GFOD2: variants seen among roughly 807,000 people sequenced by gnomAD.
The protein encoded by GFOD2 is glucose-fructose oxidoreductase domain-containing protein 2.
GFOD2 carries 9 observed loss-of-function variants against 24.6 expected under a neutral mutation model. The observed-to-expected ratio is 0.37, with a 90% confidence interval of 0.22 to 0.64. GFOD2 has a LOEUF of 0.64. Among genes scored for constraint, GFOD2 ranks in the 30% least tolerant of loss-of-function variants. GFOD2 has a pLI of 0.65. For synonymous variants in GFOD2, 211 were observed against 224.8 expected, an observed-to-expected ratio of 0.94 and a Z score of 0.55; for missense variants, 476 against 532.5, an observed-to-expected ratio of 0.89 and a Z score of 1.04.
chr16:67,687,041 G>T (rs533128178), intron 1 of GFOD2, among the ~76,000 whole-genome samples: 1 of 150,990 alleles, frequency 6.6e-6, no homozygotes. Context: ...TCAGCTACTC[G>T]AGGGGCTGAG....
At chr16:67,679,833 G>A (rs1160278908) in intron 2 of GFOD2, among the ~76,000 whole-genome samples, 1 of 151,964 alleles carries the variant, frequency 6.6e-6, no homozygotes, top group Non-Finnish European at 1.5e-5. Flanking sequence ...GTTGCAGTGA[G>A]CTGAGATAGT....
At chr16:67,690,983 C>T (rs887359081) in intron 1 of GFOD2, among the ~76,000 whole-genome samples, 1 of 152,180 alleles carries the variant, frequency 6.6e-6, no homozygotes, top group African/African-American at 2.4e-5. Context: ...ATGCCTTAGC[C>T]TCCCGAGTAA....
intron 2 of GFOD2, among the ~76,000 whole-genome samples, chr16:67,678,026 G>T (rs1371725728): frequency 6.6e-6 from 1 of 152,258 alleles, no homozygotes; most frequent in Non-Finnish European, 1.5e-5. Flanking sequence ...TTAAGACACA[G>T]ATTATTTCTG....
intron 1 of GFOD2, among the ~76,000 whole-genome samples, chr16:67,688,119 T>A (rs1054430936): frequency 1.3e-5 from 2 of 152,030 alleles, no homozygotes; most frequent in Non-Finnish European, 2.9e-5. Context: ...AACCATGAAG[T>A]AGAAGGCCCT....
intron 1 of GFOD2, among the ~76,000 whole-genome samples, chr16:67,705,548 T>C (rs886569510): frequency 6.6e-6 from 1 of 152,152 alleles, no homozygotes; most frequent in African/African-American, 2.4e-5. Context: ...TGTTCTGGGA[T>C]TGTGTCTCCC....
rs1328206492 is a variant in GFOD2 at position 67,675,542 on chromosome 16, T to C, written c.771A>G (p.Ala257=). 8 of 1,613,236 alleles carry C rather than the reference T, an allele frequency of 5.0e-6. No individual in the cohort carries two copies. Among genetic ancestry groups the C allele is most frequent in the Non-Finnish European group, 6.8e-6 (8 of 1,180,046 alleles). ...CGGCTCCCCGGGCGACGAGGCGTCC[T>C]GCAGAGCCTACCACCATGACTTCAT... is the stretch of plus-strand genomic sequence containing the variant. ...FVHEVMVVGS[A]GRLVARGADL... The change falls in exon 3 of 3, where the codon GCA becomes GCG. Residue 257 remains alanine, a synonymous_variant. Coordinates refer to ENST00000268797, the MANE Select transcript of GFOD2 (RefSeq NM_030819.4).
rs189492813 is a variant in GFOD2 at position 67,710,392 on chromosome 16, T to C, written c.-88+8771A>G. On this transcript the variant is annotated intron_variant, in intron 1 of 2. Transcript: ENST00000268797. ...GCCTTGGCCTCCCAAAGTTAGCCTTTGTTTTTTGAGACGAAGTGGAGAAGT... is the reference window on the plus strand; with the variant it reads ...GCCTTGGCCTCCCAAAGTTAGCCTTCGTTTTTTGAGACGAAGTGGAGAAGT... Among the ~76,000 whole-genome samples the C allele has an allele frequency of 1.6e-4, 24 of 152,040 alleles. No homozygotes were observed. In the East Asian group the frequency reaches 4.5e-3, roughly 28 times the overall value.
chr16:67,705,976 G>A (rs1352954112), intron 1 of GFOD2, among the ~76,000 whole-genome samples: 10 of 137,950 alleles, frequency 7.2e-5, no homozygotes, highest in African/African-American at 2.4e-4. Context: ...TTTTCCCTGT[G>A]ATTTTTTTTT....
chr16:67,681,817 T>A, intron 2 of GFOD2: 2 of 984,900 alleles, frequency 2.0e-6, no homozygotes, highest in Non-Finnish European at 2.4e-6. Flanking sequence ...AGTCTTTGGG[T>A]AGCCATGAAA....
chr16:67,706,379 A>T (rs959201929), intron 1 of GFOD2, among the ~76,000 whole-genome samples: 1 of 152,232 alleles, frequency 6.6e-6, no homozygotes, highest in South Asian at 2.1e-4. Context: ...ACAGCCTTGT[A>T]ATACTATCTT....
chr16:67,675,251 C>T lies in GFOD2; in HGVS notation c.1062G>A (p.Ser354=), dbSNP rs748147787. 3.7e-6 allele frequency: 6 copies of T among 1,613,282 alleles called. No individual in the cohort carries two copies. The highest frequency in any genetic ancestry group is 3.3e-5 in the South Asian group (3 of 91,090). Residue 354 remains serine, a synonymous_variant, in exon 3 of 3, where the codon TCG becomes TCA. Transcript: ENST00000268797. ...MQSVVDAIKR[S]SRSGEWEAVE... is the part of the protein sequence containing the mutation. ...CAGCCTCCCACTCCCCGGATCGGCTCGACCTCTTGATGGCATCCACCACGC... is the reference window on the plus strand; with the variant it reads ...CAGCCTCCCACTCCCCGGATCGGCTTGACCTCTTGATGGCATCCACCACGC...
chr16:67,713,691 G>A (rs2053490771), intron 1 of GFOD2, among the ~76,000 whole-genome samples: 1 of 152,182 alleles, frequency 6.6e-6, no homozygotes, highest in Non-Finnish European at 1.5e-5. Flanking sequence ...TATGGGGGAA[G>A]GGGCTTGGAG....
intron 1 of GFOD2, among the ~76,000 whole-genome samples, chr16:67,703,356 T>A (rs970403017): frequency 1.3e-5 from 2 of 152,100 alleles, no homozygotes; most frequent in African/African-American, 4.8e-5. Context: ...TGAGCCGAGA[T>A]AGCGCCTTTG....
intron 1 of GFOD2, among the ~76,000 whole-genome samples, chr16:67,704,455 G>GA (rs2053425975): frequency 6.6e-6 from 1 of 152,044 alleles, no homozygotes; most frequent in African/African-American, 2.4e-5. Flanking sequence ...GGCTGCCATC[G>GA]TTTTTTGGAT....
chr16:67,707,554 A>G (rs1310652687), intron 1 of GFOD2, among the ~76,000 whole-genome samples: 1 of 152,140 alleles, frequency 6.6e-6, no homozygotes, highest in African/African-American at 2.4e-5. Flanking sequence ...TAAAAACATA[A>G]GTCCACAAAA....
intron 1 of GFOD2, among the ~76,000 whole-genome samples, chr16:67,710,922 A>G (rs2053469325): frequency 6.6e-6 from 1 of 152,138 alleles, no homozygotes; most frequent in Non-Finnish European, 1.5e-5. Context: ...GGTCCTGAAT[A>G]AAGTCTTCAT....
At chr16:67,682,822 G>A (rs1215734649) in intron 2 of GFOD2, 1 of 985,220 alleles carries the variant, frequency 1.0e-6, no homozygotes, top group African/African-American at 1.7e-5. Flanking sequence ...TAATGCTCCT[G>A]GGCCTCAGTT....
chr16:67,710,007 G>T (rs992643586), intron 1 of GFOD2, among the ~76,000 whole-genome samples: 1 of 152,062 alleles, frequency 6.6e-6, no homozygotes, highest in Non-Finnish European at 1.5e-5. Context: ...GTGCAGTGGT[G>T]CACTCTTGGC....
At chr16:67,679,897 A>AC (rs982936551) in intron 2 of GFOD2, among the ~76,000 whole-genome samples, 7 of 149,230 alleles carry the variant, frequency 4.7e-5, no homozygotes, top group South Asian at 4.2e-4. Flanking sequence ...AAAAAAAAAA[A>AC]AACAACAACA....
Sources: allele counts gnomAD v4.1 joint callset (sites outside exome capture counted in the v4.1 genomes callset), GRCh38; gene constraint gnomAD v4.1.1; transcripts MANE v1.5; gene names NCBI Gene and HGNC (gene_info 2026-07-23, HGNC 2026-07-21).